The following AHNAK variants were observed in gnomAD, a reference collection of about 807,000 sequenced individuals.
AHNAK encodes neuroblast differentiation-associated protein AHNAK.
In AHNAK, 23 loss-of-function variants were observed where a neutral mutation model predicts 37.8. The ratio of observed to expected loss-of-function variants is 0.61; its 90% CI spans 0.44 to 0.86. AHNAK has a LOEUF of 0.86. Among genes scored for constraint, AHNAK ranks in the 40% least tolerant of loss-of-function variants. The pLI is 0.00. For missense variants in AHNAK, 7,411 were observed against 7,319.4 expected (o/e 1.01, Z -0.46); for synonymous variants, 2,481 against 2,636.3 (o/e 0.94, Z 1.80).
At chr11:62,459,032 G>C (rs1938727724) in intron 5 of AHNAK, among the ~76,000 whole-genome samples, 1 of 152,088 alleles carries the variant, frequency 6.6e-6, no homozygotes, top group Non-Finnish European at 1.5e-5. Context: ...GAGCCTCTTG[G>C]GGTGCTAAAA....
intron 5 of AHNAK, among the ~76,000 whole-genome samples, chr11:62,473,479 A>G (rs1306296763): frequency 2.0e-5 from 3 of 150,936 alleles, no homozygotes; most frequent in African/African-American, 7.3e-5. Context: ...GTGGACCACA[A>G]GGTCAGGAGA....
In AHNAK at chr11:62,520,327, A is replaced by G. The variant is rs369676300; in HGVS notation, c.14090T>C (p.Ile4697Thr). 42 of 1,612,716 alleles carry G rather than the reference A, an allele frequency of 2.6e-5. No individual in the cohort carries two copies. In the African/African-American group the frequency reaches 5.6e-4, roughly 22 times the overall value. ...KVDVDVPDVNIEGPDAKLKGP... is the reference protein window; with the variant it reads ...KVDVDVPDVNTEGPDAKLKGP... ...CTTTAGTTTCGCATCTGGACCTTCG[A>G]TATTCACATCAGGAACATCAACGTC... The change falls in exon 5 of 5, where the codon ATC becomes ACC. Residue 4697 changes from isoleucine (I) to threonine (T), a missense_variant. Ile to Thr is a moderately conservative substitution (Grantham distance 89, BLOSUM62 -1). Coordinates refer to ENST00000378024, the MANE Select transcript of AHNAK (RefSeq NM_001620.3).
chr11:62,527,580 C>T lies in AHNAK; in HGVS notation c.6837G>A (p.Val2279=). 1 of 1,613,384 alleles carries T rather than the reference C, an allele frequency of 6.2e-7. No individual in the cohort carries two copies. Among genetic ancestry groups the T allele is most frequent in the Non-Finnish European group, 8.5e-7 (1 of 1,179,874 alleles). The change falls in exon 5 of 5, where the codon GTG becomes GTA. Residue 2279 remains valine, a synonymous_variant. Transcript: ENST00000378024. Reference sequence around the variant, plus strand: ...GGCTCACATCTGGGACTTCAACATCCACCTTGGGTCCTGAGACATCAACGT... The same window carrying T: ...GGCTCACATCTGGGACTTCAACATCTACCTTGGGTCCTGAGACATCAACGT... ...KADVDVSGPK[V]DVEVPDVSLE...
chr11:62,479,284 C>T (rs1590616447), intron 5 of AHNAK, among the ~76,000 whole-genome samples: 1 of 149,348 alleles, frequency 6.7e-6, no homozygotes. Flanking sequence ...TTTCCTGCCT[C>T]GGCCTCCCGA....
downstream of AHNAK, among the ~76,000 whole-genome samples, chr11:62,512,123 A>G (rs1939925705): frequency 1.3e-5 from 2 of 152,354 alleles, no homozygotes; most frequent in African/African-American, 4.8e-5. This position sits in a 1 kb window ranked among gnomAD's most constrained non-coding sequence, Gnocchi z 4.0. Context: ...TTAGGATTAC[A>G]GGCGTGAGCC....
At position 62,520,349 on chromosome 11, in the gene AHNAK, C is replaced by T. The variant is rs199880103; in HGVS notation, c.14068G>A (p.Val4690Ile). The change falls in exon 5 of 5, where the codon GTT (valine) becomes ATT (isoleucine). Residue 4690 changes from valine (V) to isoleucine (I), a missense_variant. Val to Ile is a conservative substitution (Grantham distance 29). Coordinates refer to ENST00000378024, the MANE Select transcript of AHNAK (RefSeq NM_001620.3). ...TCGATATTCACATCAGGAACATCAA[C>T]GTCCACTTTGGGTCCTGAGACATCA... ...DIDVSGPKVD[V>I]DVPDVNIEGP... The T allele has an allele frequency of 9.2e-5, 148 of 1,613,162 alleles. No individual in the cohort carries two copies. In the Middle Eastern group the frequency reaches 1.8e-3, roughly 20 times the overall value.
chr11:62,545,208 G>T (rs540276753), intron 1 of AHNAK, among the ~76,000 whole-genome samples: 4 of 151,958 alleles, frequency 2.6e-5, no homozygotes, highest in African/African-American at 9.7e-5. Flanking sequence ...CGGTCGCCGC[G>T]GCGGGAGCCA....
chr11:62,459,294 G>A (rs1938736006), intron 5 of AHNAK, among the ~76,000 whole-genome samples: 1 of 152,162 alleles, frequency 6.6e-6, no homozygotes, highest in South Asian at 2.1e-4. Flanking sequence ...CAGGGCACTG[G>A]AAATGGATCC....
intron 5 of AHNAK, among the ~76,000 whole-genome samples, chr11:62,449,853 C>T (rs886585551): frequency 4.6e-5 from 7 of 152,142 alleles, no homozygotes; most frequent in Non-Finnish European, 8.8e-5. Context: ...TAGCTGATGC[C>T]TAGCACAAAG....
At chr11:62,470,521 G>C (rs1030081315) in intron 5 of AHNAK, among the ~76,000 whole-genome samples, 1 of 152,174 alleles carries the variant, frequency 6.6e-6, no homozygotes, top group Middle Eastern at 3.4e-3. Flanking sequence ...CAGGAGAATC[G>C]CTTGAACCCG....
In AHNAK at chr11:62,524,654, T is replaced by G. The variant is rs757089164; in HGVS notation, c.9763A>C (p.Ile3255Leu). The G allele has an allele frequency of 6.2e-7, 1 of 1,614,254 alleles. No individual in the cohort carries two copies. Among genetic ancestry groups the G allele is most frequent in the East Asian group, 2.2e-5 (1 of 44,894 alleles). ...TCTACATCTATCTTTGGGCCTTTTA[T>G]GTCAAGAGCAGGTCCTTTCAAATCA... ...EGDLKGPALD[I>L]KGPKIDVDAP... The change falls in exon 5 of 5, where the codon ATA (isoleucine) becomes CTA (leucine). Residue 3255 changes from isoleucine to leucine, a missense_variant. Transcript: ENST00000378024.
Position 62,455,001 on chromosome 11 carries a change from T to C in AHNAK, c.443-21110A>G, listed in dbSNP as rs1446414827. ...TGGAGTGAAGTGGCATAATCTCAGC[T>C]CATTCACTGCAACCTCCGCCCCGTG... On this transcript the variant is annotated intron_variant, in intron 5 of 5. Coordinates refer to the AHNAK transcript ENST00000257247. 3.3e-5 allele frequency among the ~76,000 whole-genome samples: 5 copies of C among 151,296 alleles called. No homozygotes were observed. The East Asian group carries it at 9.7e-4, about 29-fold the overall frequency.
intron 5 of AHNAK, among the ~76,000 whole-genome samples, chr11:62,480,945 G>C (rs1343479345): frequency 6.6e-6 from 1 of 151,786 alleles, no homozygotes; most frequent in East Asian, 1.9e-4. Flanking sequence ...TAATGTCCTC[G>C]ACCTTCCCCC....
chr11:62,531,729 T>C lies in AHNAK; in HGVS notation c.2688A>G (p.Glu896=). The C allele has an allele frequency of 6.2e-7, 1 of 1,614,052 alleles. No homozygotes were observed. Among genetic ancestry groups the C allele is most frequent in the Non-Finnish European group, 8.5e-7 (1 of 1,179,990 alleles). The change falls in exon 5 of 5, where the codon GAA becomes GAG. Residue 896 remains glutamate, a synonymous_variant. Coordinates refer to ENST00000378024, the MANE Select transcript of AHNAK (RefSeq NM_001620.3). ...CAGCCTTGGGCAGGTTCACATCCAC[T>C]TCTGGGCCCTCTGCTTTGAAGCCAG... ...SMPGFKAEGP[E]VDVNLPKADV...
chr11:62,458,197 C>T (rs1032787497), intron 5 of AHNAK, among the ~76,000 whole-genome samples: 4 of 152,040 alleles, frequency 2.6e-5, no homozygotes, highest in Non-Finnish European at 4.4e-5. Flanking sequence ...GGATTATAGG[C>T]GTGAGCCACT....
In AHNAK at chr11:62,523,903, A is replaced by G. The variant is rs1323556619; in HGVS notation, c.10514T>C (p.Ile3505Thr). The change falls in exon 5 of 5, where the codon ATA becomes ACA. Residue 3505 changes from isoleucine (I) to threonine (T), a missense_variant. By Grantham distance (89) the Ile-to-Thr change is moderately conservative. Transcript: ENST00000378024. The part of the protein sequence containing the change: ...AVDLPKGDIN[I>T]EGPSMNIEGP... ...CTCAATGTTCATACTTGGGCCCTCTATGTTGATGTCTCCTTTTGGTAGATC... is the reference window on the plus strand; with the variant it reads ...CTCAATGTTCATACTTGGGCCCTCTGTGTTGATGTCTCCTTTTGGTAGATC... 1 of 1,613,966 alleles carries G rather than the reference A, an allele frequency of 6.2e-7. No individual in the cohort carries two copies. The highest frequency in any genetic ancestry group is 1.3e-5 in the African/African-American group (1 of 74,874).
chr11:62,533,409 G>A lies in AHNAK; in HGVS notation c.1008C>T (p.Val336=), dbSNP rs766241956. 3 of 1,607,350 alleles carry A rather than the reference G, an allele frequency of 1.9e-6. No homozygotes were observed. Among genetic ancestry groups the A allele is most frequent in the East Asian group, 4.5e-5 (2 of 44,890 alleles). ...GCTTGCCGCCCTTGTGCCCCACAGA[G>A]ACTTCAGGTGCAGAAACCCTCAGCC... is the stretch of plus-strand genomic sequence containing the variant. ...KAGLRVSAPE[V]SVGHKGGKPG... is the part of the protein sequence containing the mutation. Residue 336 remains valine (V), a synonymous_variant, in exon 5 of 5, where the codon GTC becomes GTT. Coordinates refer to ENST00000378024, the MANE Select transcript of AHNAK (RefSeq NM_001620.3).
Position 62,517,201 on chromosome 11 carries a change from G to A in AHNAK, c.17216C>T (p.Ser5739Phe). ...TGSPEASISG[S>F]KGDLKSSKAS... ...CTTTGAACTTTTCAGGTCACCTTTG[G>A]ACCCAGAAATTGATGCTTCTGGTGA... Residue 5739 changes from serine to phenylalanine, a missense_variant, in exon 5 of 5, where the codon TCC becomes TTC. Ser to Phe is a radical substitution (Grantham distance 155). Transcript: ENST00000378024. 6.2e-7 allele frequency: 1 copy of A among 1,614,046 alleles called. No individual in the cohort carries two copies. The highest frequency in any genetic ancestry group is 8.5e-7 in the Non-Finnish European group (1 of 1,180,044).
At chr11:62,493,240 C>T (rs532662527) in intron 4 of AHNAK, among the ~76,000 whole-genome samples, 1 of 151,836 alleles carries the variant, frequency 6.6e-6, no homozygotes, top group Non-Finnish European at 1.5e-5. Flanking sequence ...TCTCGAACTC[C>T]TGACCTCAGA....
Sources: gnomAD v4.1 joint callset for allele counts (sites outside exome capture counted in the v4.1 genomes callset) on GRCh38, gnomAD v4.1.1 for gene constraint, Gnocchi (gnomAD v3.1) non-coding constraint, MANE v1.5 for transcripts, NCBI Gene and HGNC (gene_info 2026-07-23, HGNC 2026-07-21) for gene names.